CUX2: variants seen among roughly 807,000 people sequenced by gnomAD.
CUX2 encodes the protein cut like homeobox 2, also known as homeobox protein cut-like 2.
CUX2 carries 40 observed loss-of-function variants against 144.8 expected under a neutral mutation model. The observed-to-expected ratio is 0.28, with a 90% CI of 0.21 to 0.36. The LOEUF (loss-of-function observed/expected upper bound fraction) is 0.36. Among genes scored for constraint, CUX2 ranks in the 10% least tolerant of loss-of-function variants. The pLI is 1.00. For missense variants in CUX2, 1,615 were observed against 1,994.0 expected (o/e 0.81, Z 3.62); for synonymous variants, 827 against 875.6 (o/e 0.94, Z 0.98).
intron 1 of CUX2, among the ~76,000 whole-genome samples, chr12:111,165,419 G>A (rs1201565111): frequency 6.6e-6 from 1 of 152,194 alleles, no homozygotes; most frequent in African/African-American, 2.4e-5. Context: ...CAAGGGTTTG[G>A]TGGAGAGTGG....
chr12:111,245,389 T>G (rs1883230026), intron 3 of CUX2, among the ~76,000 whole-genome samples: 1 of 151,848 alleles, frequency 6.6e-6, no homozygotes, highest in African/African-American at 2.4e-5. Context: ...AAAAAAAATT[T>G]TTTTTTACTT....
At chr12:111,237,660 A>G (rs1882826250) in intron 3 of CUX2, among the ~76,000 whole-genome samples, 1 of 152,154 alleles carries the variant, frequency 6.6e-6, no homozygotes, top group Admixed American at 6.5e-5. Context: ...GGGAACTTCC[A>G]GTGGTACCCA....
At chr12:111,318,781 G>A (rs894924283) in intron 16 of CUX2, among the ~76,000 whole-genome samples, 1 of 151,606 alleles carries the variant, frequency 6.6e-6, no homozygotes, top group Non-Finnish European at 1.5e-5. Context: ...CTCAAGCAAT[G>A]CTCCCAACTC....
At chr12:111,323,592 G>A (rs10849934) in intron 18 of CUX2, among the ~76,000 whole-genome samples, 32,886 of 150,814 alleles carry the variant, frequency 0.22, 4,872 homozygotes, top group East Asian at 0.68. Flanking sequence ...AGGAGTTCAA[G>A]ATCAGCCTGG....
At chr12:111,228,922 G>A (rs904698654) in intron 3 of CUX2, among the ~76,000 whole-genome samples, 2 of 152,058 alleles carry the variant, frequency 1.3e-5, no homozygotes, top group African/African-American at 4.8e-5. Context: ...GCAAGCCACT[G>A]CAGGCTGACC....
intron 1 of CUX2, among the ~76,000 whole-genome samples, chr12:111,080,501 A>G (rs1871825805): frequency 1.3e-5 from 2 of 150,924 alleles, no homozygotes; most frequent in Non-Finnish European, 1.5e-5. Context: ...GCAAGACCCC[A>G]TCTCTCTGTC....
chr12:111,164,005 GC>G (rs1160539032), intron 1 of CUX2, among the ~76,000 whole-genome samples: 4 of 152,116 alleles, frequency 2.6e-5, no homozygotes, highest in Non-Finnish European at 5.9e-5. Context: ...GTCAAATGGG[GC>G]TAATCATTGG....
intron 1 of CUX2, among the ~76,000 whole-genome samples, chr12:111,060,491 G>A (rs1432201324): frequency 6.6e-6 from 1 of 152,186 alleles, no homozygotes; most frequent in East Asian, 1.9e-4. Flanking sequence ...GGAGTTCCTT[G>A]GCTAGTCTTT....
Position 111,160,440 on chromosome 12 carries a change from G to A in CUX2, c.64-53760G>A, listed in dbSNP as rs1877682412. Reference sequence around the variant, plus strand: ...TGTAGTGCAGGGTGTGTGTGAGTGTGTCTGAGCCTTCATCTCTGTGCCTGT... The same window carrying A: ...TGTAGTGCAGGGTGTGTGTGAGTGTATCTGAGCCTTCATCTCTGTGCCTGT... On this transcript the variant is annotated intron_variant, in intron 1 of 21. Transcript: ENST00000261726. The surrounding 1 kb of genome is among the most constrained non-coding windows in gnomAD (Gnocchi z 4.1). Among the ~76,000 whole-genome samples, 1 of 152,136 alleles carries A rather than the reference G, an allele frequency of 6.6e-6. No homozygotes were observed. The highest frequency in any genetic ancestry group is 6.5e-5 in the Admixed American group (1 of 15,284).
At chr12:111,127,412 A>G (rs1204527212) in intron 1 of CUX2, among the ~76,000 whole-genome samples, 1 of 152,176 alleles carries the variant, frequency 6.6e-6, no homozygotes. Flanking sequence ...CCTATATTCC[A>G]GGCATTCTTT....
chr12:111,149,107 G>A (rs1391031117), intron 1 of CUX2, among the ~76,000 whole-genome samples: 1 of 152,170 alleles, frequency 6.6e-6, no homozygotes, highest in Non-Finnish European at 1.5e-5. Context: ...ACAGCCAGCA[G>A]CAAGTGGCCA....
At position 111,287,824 on chromosome 12, in the gene CUX2, G is replaced by A. The variant is rs1162557719; in HGVS notation, c.302-3594G>A. ...ACAGGGAAGCCGCCTTGTTCCAGCCGGACCTGAAGGCCCCATGTACAGGCA... is the reference window on the plus strand; with the variant it reads ...ACAGGGAAGCCGCCTTGTTCCAGCCAGACCTGAAGGCCCCATGTACAGGCA... On this transcript the variant is annotated intron_variant, in intron 4 of 21. Transcript: ENST00000261726. This position sits in a 1 kb window ranked among gnomAD's most constrained non-coding sequence, Gnocchi z 4.2. 1.3e-5 allele frequency among the ~76,000 whole-genome samples: 2 copies of A among 152,232 alleles called. No homozygotes were observed. The highest frequency in any genetic ancestry group is 2.1e-4 in the South Asian group (1 of 4,832).
At chr12:111,111,799 A>G (rs1160863247) in intron 1 of CUX2, among the ~76,000 whole-genome samples, 2 of 152,158 alleles carry the variant, frequency 1.3e-5, no homozygotes, top group East Asian at 3.8e-4. Context: ...CTTGAATTAC[A>G]GAGTTTGAGT....
rs200575878 is a variant in CUX2, at chr12:111,312,051, C to T, written c.1901-49C>T. 347 of 1,553,612 alleles carry T rather than the reference C, an allele frequency of 2.2e-4. 2 individuals carry two copies. In the African/African-American group the frequency reaches 4.0e-3, roughly 18 times the overall value. On this transcript the variant is annotated intron_variant, in intron 15 of 21. Coordinates refer to ENST00000261726, the MANE Select transcript of CUX2 (RefSeq NM_015267.4). This position sits in a 1 kb window ranked among gnomAD's most constrained non-coding sequence, Gnocchi z 4.3. ...CCCCTACCCCACCAGGCTCCGGAGA[C>T]TGAGCCCAACATGCAGATCCTGCCA... is the stretch of plus-strand genomic sequence containing the variant.
At chr12:111,341,663 G>C (rs553696270) in intron 20 of CUX2, 117 bp from the exon 21 acceptor site, 3 of 1,232,166 alleles carry the variant, frequency 2.4e-6, no homozygotes, top group Non-Finnish European at 3.4e-6. Context: ...TAAGCTTAGG[G>C]CATGATGGCC....
At position 111,125,266 on chromosome 12, in the gene CUX2, G is replaced by A. The variant is rs575821371; in HGVS notation, c.64-88934G>A. ...GTGATCTCAGCTCACTGCAACCTCC[G>A]CCTCTTGGGTTCAAGCGATTCTCCT... On this transcript the variant is annotated intron_variant, in intron 1 of 21. Coordinates refer to ENST00000261726, the MANE Select transcript of CUX2 (RefSeq NM_015267.4). 2.0e-5 allele frequency among the ~76,000 whole-genome samples: 3 copies of A among 150,756 alleles called. No individual in the cohort carries two copies. In the South Asian group the frequency reaches 6.3e-4, roughly 32 times the overall value.
chr12:111,142,542 A>C (rs1340449361), intron 1 of CUX2, among the ~76,000 whole-genome samples: 4 of 152,002 alleles, frequency 2.6e-5, no homozygotes, highest in Non-Finnish European at 5.9e-5. Context: ...AAAAAAAAAA[A>C]AAAAACAGAA....
In CUX2 at chr12:111,034,558, AG is replaced by A. The variant is rs1869321018; in HGVS notation, c.63+323del. Among the ~76,000 whole-genome samples, 1 of 151,276 alleles carries A rather than the reference AG, an allele frequency of 6.6e-6. No individual in the cohort carries two copies. The highest frequency in any genetic ancestry group is 2.4e-5 in the African/African-American group (1 of 41,320). On this transcript the variant is annotated intron_variant, in intron 1 of 21. Coordinates refer to ENST00000261726, the MANE Select transcript of CUX2 (RefSeq NM_015267.4). The surrounding 1 kb of genome is among the most constrained non-coding windows in gnomAD (Gnocchi z 4.2). ...GAAGGCAGGGGCTACGGCCTCGGGC[AG>A]GGGGCTGCTGGCGGGAACCCCCGGC...
At chr12:111,116,787 A>ACCC in intron 1 of CUX2, among the ~76,000 whole-genome samples, 1 of 152,242 alleles carries the variant, frequency 6.6e-6, no homozygotes, top group African/African-American at 2.4e-5. Context: ...ATGGGAAAAA[A>ACCC]AATCTAACTT....
Sources: allele counts gnomAD v4.1 joint callset (sites outside exome capture counted in the v4.1 genomes callset), GRCh38; gene constraint gnomAD v4.1.1; non-coding constraint Gnocchi (gnomAD v3.1); transcripts MANE v1.5; gene names NCBI Gene and HGNC (gene_info 2026-07-23, HGNC 2026-07-21).